RRAS2: variants seen among roughly 807,000 people sequenced by gnomAD.
RRAS2 encodes ras-related protein R-Ras2.
A neutral mutation model predicts 27.6 loss-of-function variants in RRAS2; 7 were observed. The observed-to-expected ratio is 0.25, with a 90% confidence interval of 0.14 to 0.48. The LOEUF is 0.48. RRAS2 is among the 20% of genes least tolerant of loss of function. RRAS2 has a pLI of 0.99. For synonymous variants in RRAS2, 86 were observed against 90.9 expected (o/e 0.95, Z 0.31); for missense variants, 178 against 256.2 (o/e 0.69, Z 2.08).
In RRAS2 at chr11:14,278,625, C is replaced by T. The variant is rs1440578004; in HGVS notation, c.*712G>A. 2.0e-5 allele frequency: 3 copies of T among 152,120 alleles called. No homozygotes were observed. The highest frequency in any genetic ancestry group is 6.6e-5 in the Admixed American group (1 of 15,256). The allele number at this position is 152,120 out of a possible 1,614,324, so 9.4% of individuals were successfully genotyped here. On this transcript the variant is annotated 3_prime_UTR_variant, in exon 6 of 6. Transcript: ENST00000256196. Reference sequence around the variant, plus strand: ...GGAAATTATTCCTTTTTACCCTTAGCGTGGCTGTGAAAAAGAGTTAAATTA... The same window carrying T: ...GGAAATTATTCCTTTTTACCCTTAGTGTGGCTGTGAAAAAGAGTTAAATTA...
exon 1 of RRAS2, chr11:14,364,429 A>G: frequency 6.5e-7 from 1 of 1,534,302 alleles, no homozygotes; most frequent in Non-Finnish European, 8.7e-7. Context: ...TATTTCCTTA[A>G]TGGGCCATTG....
intron 1 of RRAS2, among the ~76,000 whole-genome samples, chr11:14,313,879 A>G (rs1425351390): frequency 6.6e-6 from 1 of 152,236 alleles, no homozygotes; most frequent in Non-Finnish European, 1.5e-5. Flanking sequence ...TTGTTACAGC[A>G]GACCTAGGAA....
chr11:14,364,068 C>T (rs1321398558), upstream of RRAS2, among the ~76,000 whole-genome samples: 2 of 152,146 alleles, frequency 1.3e-5, no homozygotes, highest in African/African-American at 4.8e-5. Context: ...GAAACTCTGT[C>T]TAAAAATAAA....
intron 1 of RRAS2, among the ~76,000 whole-genome samples, chr11:14,316,279 A>G (rs565186992): frequency 6.6e-6 from 1 of 152,242 alleles, no homozygotes; most frequent in African/African-American, 2.4e-5. Flanking sequence ...CACATCTGCT[A>G]AAACCAATGC....
At chr11:14,295,949 G>C in intron 1 of RRAS2, 94 bp from the exon 2 acceptor site, 1,692 of 912,434 alleles carry the variant, frequency 1.9e-3, no homozygotes, top group Non-Finnish European at 2.5e-3. Context: ...GAGGGAGAAG[G>C]ATCACTTGAG....
At chr11:14,326,468 G>A (rs1399170133) in intron 1 of RRAS2, among the ~76,000 whole-genome samples, 1 of 152,122 alleles carries the variant, frequency 6.6e-6, no homozygotes, top group Admixed American at 6.6e-5. Context: ...CAGGAAATAT[G>A]TGCTTTCTAA....
chr11:14,356,680 A>T (rs1591494111), intron 1 of RRAS2: 44 of 424,072 alleles, frequency 1.0e-4, no homozygotes, highest in South Asian at 7.1e-4. Context: ...TCTTCCTCAT[A>T]CATACCTGCT....
At chr11:14,298,098 C>A (rs1554946924) in intron 1 of RRAS2, among the ~76,000 whole-genome samples, 1 of 151,984 alleles carries the variant, frequency 6.6e-6, no homozygotes, top group Non-Finnish European at 1.5e-5. Flanking sequence ...TTCTCTACAC[C>A]CACTATTTTA....
intron 1 of RRAS2, among the ~76,000 whole-genome samples, chr11:14,338,623 G>T (rs1224607797): frequency 6.6e-6 from 1 of 152,040 alleles, no homozygotes; most frequent in Non-Finnish European, 1.5e-5. Context: ...TCAGATTTTG[G>T]AGTATTCTGG....
rs1564987585 is a variant in RRAS2 at position 14,358,943 on chromosome 11, C to T, written c.-73G>A. On this transcript the variant is annotated 5_prime_UTR_variant, in exon 1 of 6. Coordinates refer to ENST00000256196, the MANE Select transcript of RRAS2 (RefSeq NM_012250.6). This position sits in a 1 kb window ranked among gnomAD's most constrained non-coding sequence, Gnocchi z 5.1. Reference sequence around the variant, plus strand: ...CCCGCCCTAGGCCCGGCTCCGGGGACGTGTGCGGCCGGCGGGCTGCGGGCG... The same window carrying T: ...CCCGCCCTAGGCCCGGCTCCGGGGATGTGTGCGGCCGGCGGGCTGCGGGCG... 12 of 1,174,160 alleles carry T rather than the reference C, an allele frequency of 1.0e-5. No homozygotes were observed. The highest frequency in any genetic ancestry group is 1.3e-5 in the Non-Finnish European group (12 of 951,530). 72.7% of individuals were successfully genotyped at this position (1,174,160 alleles called of 1,614,324 possible).
In RRAS2 at chr11:14,359,170, A is replaced by C; in HGVS notation, c.-300T>G. 1 of 1,010,448 alleles carries C rather than the reference A, an allele frequency of 9.9e-7. No individual in the cohort carries two copies. The highest frequency in any genetic ancestry group is 1.2e-6 in the Non-Finnish European group (1 of 846,882). 62.6% of individuals were successfully genotyped at this position (1,010,448 alleles called of 1,614,324 possible). ...GCCGAACGCAGCCTCCAGCGCCGCC[A>C]CAAATGGCCGTCTGGGGGCCGGGCT... On this transcript the variant is annotated 5_prime_UTR_variant, in exon 1 of 6. Transcript: ENST00000256196.
At chr11:14,313,170 T>C (rs1239399023) in intron 1 of RRAS2, among the ~76,000 whole-genome samples, 5 of 152,210 alleles carry the variant, frequency 3.3e-5, no homozygotes, top group East Asian at 1.9e-4. Context: ...CCCAAGTACG[T>C]AGGTTTAAAA....
chr11:14,292,077 T>G (rs986843637), intron 4 of RRAS2, among the ~76,000 whole-genome samples: 3 of 152,224 alleles, frequency 2.0e-5, no homozygotes, highest in Non-Finnish European at 4.4e-5. Flanking sequence ...ATTTTCCACT[T>G]GTGGAATCAT....
chr11:14,362,187 G>T (rs1449880402), upstream of RRAS2, among the ~76,000 whole-genome samples: 1 of 152,134 alleles, frequency 6.6e-6, no homozygotes, highest in African/African-American at 2.4e-5. Context: ...AAAAACATTG[G>T]ATTGTATGCT....
chr11:14,295,960 G>T (rs1391115904), intron 1 of RRAS2, 105 bp from the exon 2 acceptor site: 46 of 978,858 alleles, frequency 4.7e-5, no homozygotes, highest in Non-Finnish European at 5.8e-5. Context: ...ATCACTTGAG[G>T]CCAGGAGTTT....
chr11:14,286,878 G>A (rs781962404), intron 4 of RRAS2, among the ~76,000 whole-genome samples: 2 of 152,230 alleles, frequency 1.3e-5, no homozygotes, highest in African/African-American at 2.4e-5. Flanking sequence ...AGGAAGCCGA[G>A]TAAACACAGA....
At chr11:14,318,948 T>C (rs918174234) in intron 1 of RRAS2, among the ~76,000 whole-genome samples, 1 of 152,206 alleles carries the variant, frequency 6.6e-6, no homozygotes, top group Non-Finnish European at 1.5e-5. Flanking sequence ...TGCTTTACCA[T>C]ATTAATTCAT....
intron 1 of RRAS2, 120 bp from the exon 2 acceptor site, chr11:14,295,975 C>A: frequency 1.3e-6 from 1 of 779,736 alleles, no homozygotes; most frequent in Non-Finnish European, 2.0e-6. Context: ...GAGTTTGAGA[C>A]CAGCCTGGGC....
At chr11:14,294,409 T>C in intron 4 of RRAS2, 62 bp downstream of exon 4, 2 of 1,100,764 alleles carry the variant, frequency 1.8e-6, no homozygotes. Context: ...TTTCCTTAAA[T>C]CTATCAGTTC....
Sources: gnomAD v4.1 joint callset for allele counts (sites outside exome capture counted in the v4.1 genomes callset) on GRCh38, gnomAD v4.1.1 for gene constraint, Gnocchi (gnomAD v3.1) non-coding constraint, MANE v1.5 for transcripts, NCBI Gene and HGNC (gene_info 2026-07-23, HGNC 2026-07-21) for gene names.